The following METTL9 variants were observed in gnomAD, a reference collection of about 807,000 sequenced individuals.
The protein encoded by METTL9 is methyltransferase 9, His-X-His N1(pi)-histidine.
A neutral mutation model predicts 36.0 loss-of-function variants in METTL9; 10 were observed. The ratio of observed to expected loss-of-function variants is 0.28; its 90% confidence interval spans 0.17 to 0.47. The LOEUF is 0.47. METTL9 is among the 20% of genes least tolerant of loss of function. METTL9 has a pLI of 0.99. For missense variants in METTL9, 246 were observed against 383.5 expected (o/e 0.64, Z 3.00); for synonymous variants, 175 against 149.7 (o/e 1.17, Z -1.23).
intron 1 of METTL9, among the ~76,000 whole-genome samples, chr16:21,609,398 G>C (rs1167390626): frequency 1.3e-5 from 2 of 152,148 alleles, no homozygotes; most frequent in Non-Finnish European, 2.9e-5. Flanking sequence ...GATAGGCACT[G>C]AACATGCGAT....
At chr16:21,610,449 C>T (rs1399294272) in intron 1 of METTL9, among the ~76,000 whole-genome samples, 3 of 152,192 alleles carry the variant, frequency 2.0e-5, no homozygotes, top group Admixed American at 6.5e-5. Flanking sequence ...GCTGTGAAAT[C>T]GACATTTGTG....
rs556316355 is a variant in METTL9, at chr16:21,623,039, C to T, written c.567-1892C>T. On this transcript the variant is annotated intron_variant, in intron 3 of 4. Transcript: ENST00000358154. ...CATTTTTTAGAATGGGAATTGATGA[C>T]ATTTTTGTTCTGAAAGTAGTCTTCT... Among the ~76,000 whole-genome samples the T allele has an allele frequency of 1.3e-3, 198 of 152,270 alleles. 1 individual carries two copies. Among genetic ancestry groups the T allele is most frequent in the Middle Eastern group, 6.8e-3 (2 of 294 alleles).
chr16:21,632,270 C>T (rs1416243659), intron 4 of METTL9, among the ~76,000 whole-genome samples: 1 of 152,220 alleles, frequency 6.6e-6, no homozygotes, highest in Non-Finnish European at 1.5e-5. Flanking sequence ...TATCTGTATA[C>T]ACATTTATTC....
intron 4 of METTL9, chr16:21,640,094 A>C (rs1016660910): frequency 2.0e-5 from 3 of 151,228 alleles, no homozygotes; most frequent in Non-Finnish European, 4.4e-5. Context: ...TGTGCCACCA[A>C]ACCCCGCTAA....
intron 4 of METTL9, chr16:21,643,083 AT>A: frequency 6.2e-7 from 1 of 1,602,586 alleles, no homozygotes; most frequent in Non-Finnish European, 8.5e-7. Flanking sequence ...CAGATTGCTG[AT>A]TTGTTTCCAC....
At chr16:21,649,331 T>C (rs1161336345) in intron 4 of METTL9, among the ~76,000 whole-genome samples, 1 of 152,102 alleles carries the variant, frequency 6.6e-6, no homozygotes, top group Non-Finnish European at 1.5e-5. Flanking sequence ...TTGTGCAACA[T>C]GAGATGAGCT....
At chr16:21,631,698 T>A (rs1445180215) in intron 4 of METTL9, among the ~76,000 whole-genome samples, 1 of 152,202 alleles carries the variant, frequency 6.6e-6, no homozygotes, top group African/African-American at 2.4e-5. Context: ...GGAAACCTGC[T>A]GGGTTAAGGA....
chr16:21,623,968 A>T (rs1965763882), intron 3 of METTL9, among the ~76,000 whole-genome samples: 1 of 152,066 alleles, frequency 6.6e-6, no homozygotes, highest in Non-Finnish European at 1.5e-5. Context: ...ACAGTGTTTC[A>T]CCATGTTGGC....
chr16:21,626,827 C>T (rs1249141356), intron 4 of METTL9: 13 of 527,920 alleles, frequency 2.5e-5, no homozygotes, highest in South Asian at 1.6e-4. Flanking sequence ...GTTGGGCAAC[C>T]GCATGATAGA....
At chr16:21,644,338 G>C (rs765106884) in intron 4 of METTL9, 2 of 1,613,922 alleles carry the variant, frequency 1.2e-6, no homozygotes, top group Non-Finnish European at 1.7e-6. Flanking sequence ...CATAGACAGA[G>C]AGCAGTGATA....
chr16:21,602,786 T>C (rs1965170784), intron 1 of METTL9, among the ~76,000 whole-genome samples: 1 of 151,670 alleles, frequency 6.6e-6, no homozygotes. Context: ...GCCTCCCGAG[T>C]AGCTGGGATT....
intron 3 of METTL9, among the ~76,000 whole-genome samples, chr16:21,623,392 A>G (rs1965749643): frequency 6.6e-6 from 1 of 152,218 alleles, no homozygotes; most frequent in South Asian, 2.1e-4. Flanking sequence ...CCCTCATTAT[A>G]CTTTTAGAAT....
intron 4 of METTL9, among the ~76,000 whole-genome samples, chr16:21,628,137 A>G (rs1448207140): frequency 1.3e-5 from 2 of 152,190 alleles, no homozygotes; most frequent in South Asian, 2.1e-4. Context: ...AAATGTATCT[A>G]GGAAAGTAGT....
chr16:21,644,606 T>C (rs575224709), intron 4 of METTL9, among the ~76,000 whole-genome samples: 17 of 152,178 alleles, frequency 1.1e-4, no homozygotes, highest in Non-Finnish European at 1.9e-4. Flanking sequence ...AAACCAAAAA[T>C]GTTACTCGTT....
chr16:21,627,613 T>TA (rs915994782), intron 4 of METTL9: 38 of 154,466 alleles, frequency 2.5e-4, no homozygotes, highest in African/African-American at 5.1e-4. Flanking sequence ...ATTCAGTAAT[T>TA]AAAAAAAAAT....
chr16:21,599,356 G>C (rs1206875183), upstream of METTL9: 2 of 1,003,268 alleles, frequency 2.0e-6, no homozygotes, highest in Non-Finnish European at 2.4e-6. This position sits in a 1 kb window ranked among gnomAD's most constrained non-coding sequence, Gnocchi z 4.4. Flanking sequence ...CCATTTACTA[G>C]AGGCCAAGGC....
At chr16:21,619,715 C>G (rs954580068) in intron 3 of METTL9, among the ~76,000 whole-genome samples, 1 of 150,884 alleles carries the variant, frequency 6.6e-6, no homozygotes, top group East Asian at 2.0e-4. Context: ...GGATTACAGG[C>G]GTGAGCCACT....
At chr16:21,647,241 T>A (rs1387186689) in intron 4 of METTL9, 17 of 1,614,108 alleles carry the variant, frequency 1.1e-5, no homozygotes, top group African/African-American at 1.3e-5. Context: ...GAAGTCACTC[T>A]GTTTACAGTG....
At chr16:21,644,411 CAGAA>C (rs1966367223) in intron 4 of METTL9, 3 of 1,546,416 alleles carry the variant, frequency 1.9e-6, no homozygotes, top group African/African-American at 1.4e-5. Context: ...ATGACAAAAA[CAGAA>C]AGAAGCACAT....
Sources: allele counts gnomAD v4.1 joint callset (sites outside exome capture counted in the v4.1 genomes callset), GRCh38; gene constraint gnomAD v4.1.1; non-coding constraint Gnocchi (gnomAD v3.1); transcripts MANE v1.5; gene names NCBI Gene and HGNC (gene_info 2026-07-23, HGNC 2026-07-21).